ITIH2: variants seen among roughly 807,000 people sequenced by gnomAD.
ITIH2 encodes the protein inter-alpha-trypsin inhibitor heavy chain H2.
A neutral mutation model predicts 104.4 loss-of-function variants in ITIH2; 103 were observed. The ratio of observed to expected loss-of-function variants is 0.99; its 90% CI spans 0.84 to 1.16. ITIH2 has a LOEUF of 1.16. Among genes scored for constraint, ITIH2 ranks in the 50% most tolerant of loss-of-function variants. The pLI, the probability that ITIH2 is intolerant of heterozygous loss-of-function variation, is 0.00. For synonymous variants in ITIH2, 436 were observed against 435.4 expected (o/e 1.00, Z -0.02); for missense variants, 1,108 against 1,162.4 (o/e 0.95, Z 0.68).
intron 9 of ITIH2, among the ~76,000 whole-genome samples, chr10:7,724,687 C>T (rs1254171968): frequency 3.3e-5 from 5 of 151,514 alleles, no homozygotes; most frequent in Non-Finnish European, 7.4e-5. Flanking sequence ...GGTTTCTCAG[C>T]AGTGGGACTA....
intron 1 of ITIH2, among the ~76,000 whole-genome samples, chr10:7,704,755 AC>A (rs1834728861): frequency 6.6e-6 from 1 of 152,166 alleles, no homozygotes; most frequent in South Asian, 2.1e-4. Flanking sequence ...AATAATGAAT[AC>A]CAACAGCTAT....
intron 11 of ITIH2, among the ~76,000 whole-genome samples, chr10:7,729,707 G>A (rs1382279895): frequency 5.3e-5 from 8 of 152,068 alleles, no homozygotes; most frequent in Admixed American, 2.0e-4. Flanking sequence ...CCTCATTGGT[G>A]CATATTTATG....
intron 5 of ITIH2, among the ~76,000 whole-genome samples, chr10:7,716,784 A>C (rs1834854064): frequency 6.6e-6 from 1 of 151,830 alleles, no homozygotes; most frequent in Non-Finnish European, 1.5e-5. Context: ...GAGCAATAAT[A>C]AAGTTTTTCT....
chr10:7,749,156 C>A (rs1382335776), intron 20 of ITIH2, 31 bp from the exon 21 acceptor site: 8 of 1,612,246 alleles, frequency 5.0e-6, no homozygotes, highest in East Asian at 2.2e-5. Flanking sequence ...TGCTCAGTCT[C>A]CCCCTAACCA....
chr10:7,711,111 C>T (rs1834793588), intron 4 of ITIH2, among the ~76,000 whole-genome samples: 1 of 152,102 alleles, frequency 6.6e-6, no homozygotes, highest in African/African-American at 2.4e-5. Flanking sequence ...CCCGACAGGA[C>T]ACGGTGTGTA....
chr10:7,719,760 CAAAAAAAAAAA>C (rs71385664), intron 6 of ITIH2, among the ~76,000 whole-genome samples: 79 of 41,718 alleles, frequency 1.9e-3, no homozygotes, highest in African/African-American at 7.7e-3. Flanking sequence ...GACCCTGTCT[CAAAAAAAAAAA>C]AAAAAAAAAA....
At chr10:7,713,031 A>G in intron 4 of ITIH2, 150 bp from the exon 5 acceptor site, 1 of 578,514 alleles carries the variant, frequency 1.7e-6, no homozygotes. Context: ...GAAGCAGGAG[A>G]ATTGCTTGAA....
intron 3 of ITIH2, 31 bp from the exon 4 acceptor site, chr10:7,708,991 C>G (rs140767779): frequency 2.5e-6 from 4 of 1,579,322 alleles, no homozygotes; most frequent in East Asian, 4.5e-5. Flanking sequence ...ATTTTTCTAT[C>G]AGTACAGTTA....
intron 16 of ITIH2, among the ~76,000 whole-genome samples, chr10:7,742,138 T>C (rs759062045): frequency 2.0e-5 from 3 of 152,234 alleles, no homozygotes; most frequent in Non-Finnish European, 4.4e-5. Context: ...GACCATGACT[T>C]ATGTTTATAG....
rs1242869641 is a variant in ITIH2 at position 7,738,694 on chromosome 10, G to T, written c.2031G>T (p.Val677=). The change falls in exon 16 of 21, where the codon GTG becomes GTT. Residue 677 remains valine, a synonymous_variant. Transcript: ENST00000358415. ...GGGCCAATCCTTCACCAACGCCCGT[G>T]ATCTCCATGCTGGCACAAGGATCTC... is the stretch of plus-strand genomic sequence containing the variant. ...PSWANPSPTP[V]ISMLAQGSQV... The T allele has an allele frequency of 6.2e-7, 1 of 1,613,574 alleles. No individual in the cohort carries two copies. The highest frequency in any genetic ancestry group is 8.5e-7 in the Non-Finnish European group (1 of 1,179,814).
At chr10:7,708,993 G>A in intron 3 of ITIH2, 29 bp from the exon 4 acceptor site, 4 of 1,594,970 alleles carry the variant, frequency 2.5e-6, no homozygotes, top group Non-Finnish European at 3.4e-6. Flanking sequence ...TTTTCTATCA[G>A]TACAGTTATG....
chr10:7,714,165 A>ATTTTTTTTTTTTTTT lies in ITIH2; in HGVS notation c.467+890_467+904dup, dbSNP rs996413668. Among the ~76,000 whole-genome samples the ATTTTTTTTTTTTTTT allele has an allele frequency of 1.1e-4, 9 of 84,030 alleles. 1 individual carries two copies. Among genetic ancestry groups the ATTTTTTTTTTTTTTT allele is most frequent in the African/African-American group, 4.6e-4 (9 of 19,628 alleles). The allele number at this position is 84,030 out of a possible 152,430, so 55.1% of individuals were successfully genotyped here. On this transcript the variant is annotated intron_variant, in intron 5 of 20. Transcript: ENST00000358415. ...TCACTCCTTGCACTGCACACTCACT[A>ATTTTTTTTTTTTTTT]TTTTTTTTTTTTTTTTTTTTTTTTG...
chr10:7,713,603 ATCT>A (rs1834817958), intron 5 of ITIH2, among the ~76,000 whole-genome samples: 1 of 152,256 alleles, frequency 6.6e-6, no homozygotes, highest in Non-Finnish European at 1.5e-5. Flanking sequence ...TGATCTTGTG[ATCT>A]TGTTACGAAA....
At chr10:7,746,051 G>C (rs1383270018) in intron 19 of ITIH2, among the ~76,000 whole-genome samples, 1 of 107,074 alleles carries the variant, frequency 9.3e-6, no homozygotes, top group African/African-American at 3.6e-5. Context: ...ACCACACCCG[G>C]CCCCAAATCT....
intron 20 of ITIH2, among the ~76,000 whole-genome samples, chr10:7,747,647 G>A (rs1376377971): frequency 1.3e-5 from 2 of 152,022 alleles, no homozygotes; most frequent in East Asian, 3.9e-4. Context: ...AATGCTTTGA[G>A]AGGCCAATGT....
At chr10:7,741,596 T>C (rs1410762827) in intron 16 of ITIH2, among the ~76,000 whole-genome samples, 4 of 152,174 alleles carry the variant, frequency 2.6e-5, no homozygotes, top group African/African-American at 9.7e-5. Flanking sequence ...CTGGCCTGAG[T>C]GACTGCTTTA....
chr10:7,704,357 AGT>A (rs1834725126), intron 1 of ITIH2, among the ~76,000 whole-genome samples: 1 of 152,250 alleles, frequency 6.6e-6, no homozygotes, highest in Non-Finnish European at 1.5e-5. Flanking sequence ...AAGCCACCAG[AGT>A]GTGTTAGAAA....
intron 7 of ITIH2, 90 bp from the exon 8 acceptor site, chr10:7,721,559 G>C (rs1250117131): frequency 9.8e-6 from 12 of 1,218,856 alleles, no homozygotes; most frequent in Non-Finnish European, 1.4e-5. Flanking sequence ...CCATTGGGCA[G>C]CTCCTCTTCC....
chr10:7,743,157 C>G lies in ITIH2; in HGVS notation c.2107C>G (p.Pro703Ala). ...TGTATATTTTCCAGTTGAAAATGAC[C>G]CACATTTCATCATTTATCTACCAAA... ...PPHVMRVEND[P>A]HFIIYLPKSQ... The change falls in exon 17 of 21, where the codon CCA (proline) becomes GCA (alanine). Residue 703 changes from proline (P) to alanine (A), a missense_variant. Coordinates refer to ENST00000358415, the MANE Select transcript of ITIH2 (RefSeq NM_002216.3). The G allele has an allele frequency of 6.6e-7, 1 of 1,520,338 alleles. No homozygotes were observed. The highest frequency in any genetic ancestry group is 9.0e-7 in the Non-Finnish European group (1 of 1,112,020). The allele number at this position is 1,520,338 out of a possible 1,614,324, so 94.2% of individuals were successfully genotyped here. A position where few individuals can be genotyped will look rare whatever the true frequency, so the allele number is the denominator to read the frequency against.
Sources: allele counts gnomAD v4.1 joint callset (sites outside exome capture counted in the v4.1 genomes callset), GRCh38; gene constraint gnomAD v4.1.1; transcripts MANE v1.5; gene names NCBI Gene and HGNC (gene_info 2026-07-23, HGNC 2026-07-21).